POR: variants seen among roughly 807,000 people sequenced by gnomAD.
POR encodes the protein NADPH--cytochrome P450 reductase.
In POR, 56 loss-of-function variants were observed where a neutral mutation model predicts 84.0. The ratio of observed to expected loss-of-function variants is 0.67; its 90% CI spans 0.54 to 0.83. POR has a LOEUF of 0.83. Ranked by LOEUF, POR falls within the 40% of genes least tolerant of loss-of-function variation. The pLI is 0.00. For missense variants in POR, 938 were observed against 944.3 expected, an observed-to-expected ratio of 0.99 and a Z score of 0.09; for synonymous variants, 414 against 400.5, an observed-to-expected ratio of 1.03 and a Z score of -0.40.
intron 1 of POR, among the ~76,000 whole-genome samples, chr7:75,932,742 G>A (rs537745457): frequency 2.0e-5 from 3 of 152,126 alleles, no homozygotes; most frequent in South Asian, 2.1e-4. Flanking sequence ...AAACATGGGC[G>A]GGCACGGTGG....
intron 1 of POR, among the ~76,000 whole-genome samples, chr7:75,945,567 G>T (rs540080714): frequency 6.6e-6 from 1 of 152,070 alleles, no homozygotes; most frequent in Non-Finnish European, 1.5e-5. Flanking sequence ...TGTGGGTTGC[G>T]CTGTCAGGCA....
intron 3 of POR, among the ~76,000 whole-genome samples, chr7:75,973,929 C>T (rs1185907875): frequency 6.6e-6 from 1 of 151,896 alleles, no homozygotes. Context: ...CCATCTGCCT[C>T]GGTCTCCCAA....
chr7:75,931,149 A>G (rs1333428626), intron 1 of POR, among the ~76,000 whole-genome samples: 1 of 152,050 alleles, frequency 6.6e-6, no homozygotes, highest in African/African-American at 2.4e-5. Flanking sequence ...ACAGCCCCCA[A>G]AAGGAAACAA....
chr7:75,957,457 C>T (rs782522148), intron 2 of POR, among the ~76,000 whole-genome samples: 15 of 152,256 alleles, frequency 9.9e-5, no homozygotes, highest in Non-Finnish European at 1.9e-4. Context: ...GACCCAGCTC[C>T]TGAACTGGCC....
chr7:75,984,556 T>A lies in POR; in HGVS notation c.1067-221T>A, dbSNP rs41301421. Among the ~76,000 whole-genome samples the A allele has an allele frequency of 7.9e-3, 1,201 of 152,162 alleles. 14 individuals are homozygous for A. The highest frequency in any genetic ancestry group is 0.027 in the African/African-American group (1,128 of 41,520). On this transcript the variant is annotated intron_variant, in intron 10 of 15. Transcript: ENST00000461988. ...TGCAGGGGCTCCCCCGCACCTCCCC[T>A]AGCAGGGTCCTGCCTCTGATGAGGA... is the stretch of plus-strand genomic sequence containing the variant.
At chr7:75,930,208 C>T (rs1196106956) in intron 1 of POR, among the ~76,000 whole-genome samples, 1 of 152,192 alleles carries the variant, frequency 6.6e-6, no homozygotes, top group Non-Finnish European at 1.5e-5. Flanking sequence ...TTGGCTCCTC[C>T]TTAGTGAGCC....
rs1789070608 is a variant in POR at position 75,981,896 on chromosome 7, G to A, written c.731+290G>A. Reference sequence around the variant, plus strand: ...CATTTCCTTAAAATCTGCCTCCACAGACTTGGCCAAAAACATAACGTTCCT... The same window carrying A: ...CATTTCCTTAAAATCTGCCTCCACAAACTTGGCCAAAAACATAACGTTCCT... On this transcript the variant is annotated intron_variant, in intron 7 of 15. Transcript: ENST00000461988. 2.1e-5 allele frequency: 12 copies of A among 572,882 alleles called. No individual in the cohort carries two copies. In the South Asian group the frequency reaches 2.5e-4, roughly 12 times the overall value. 35.5% of individuals were successfully genotyped at this position (572,882 alleles called of 1,614,324 possible).
At chr7:75,923,936 G>A (rs1224179326) in intron 1 of POR, among the ~76,000 whole-genome samples, 2 of 151,786 alleles carry the variant, frequency 1.3e-5, no homozygotes, top group Non-Finnish European at 2.9e-5. Flanking sequence ...CGTTCATGGC[G>A]GCACCTCTCA....
rs541542103 is a variant in POR at position 75,922,312 on chromosome 7, ATCTGTAGTTTTT to A, written c.-5+7135_-5+7146del. Reference sequence around the variant, plus strand: ...AGCTCAGATGTCAAAATTGGGTCTGATCTGTAGTTTTTTTTTTTTTTTTTTTTGAGACAGAGC... The same window carrying A: ...AGCTCAGATGTCAAAATTGGGTCTGATTTTTTTTTTTTTTTGAGACAGAGC... On this transcript the variant is annotated intron_variant, in intron 1 of 15. Coordinates refer to ENST00000461988, the MANE Select transcript of POR (RefSeq NM_000941.3). Among the ~76,000 whole-genome samples the A allele has an allele frequency of 2.9e-3, 424 of 144,356 alleles. 1 individual carries two copies. Among genetic ancestry groups the A allele is most frequent in the African/African-American group, 8.9e-3 (345 of 38,576 alleles). 94.7% of individuals were successfully genotyped at this position (144,356 alleles called of 152,430 possible).
intron 2 of POR, among the ~76,000 whole-genome samples, chr7:75,966,280 C>T (rs1297433626): frequency 6.6e-6 from 1 of 152,166 alleles, no homozygotes; most frequent in African/African-American, 2.4e-5. Flanking sequence ...GCCCTCCCCA[C>T]GTGTTCATCA....
rs575266451 is a variant in POR at position 75,986,022 on chromosome 7, C to G, written c.1769C>G (p.Ala590Gly). ...CTGGCGCAGTTCCACAGGGACGGTG[C>G]GCTCACCCAGCTCAACGTGGCCTTC... Residue 590 changes from alanine to glycine, a missense_variant, in exon 14 of 16, where the codon GCG (alanine) becomes GGG (glycine). Transcript: ENST00000461988. 1.3e-6 allele frequency: 2 copies of G among 1,563,326 alleles called. No homozygotes were observed. The highest frequency in any genetic ancestry group is 1.4e-5 in the African/African-American group (1 of 73,726).
Position 75,924,873 on chromosome 7 carries a change from G to A in POR, c.-5+9694G>A, listed in dbSNP as rs571369436. Among the ~76,000 whole-genome samples the A allele has an allele frequency of 5.3e-5, 8 of 152,290 alleles. No homozygotes were observed. In the South Asian group the frequency reaches 1.7e-3, roughly 32 times the overall value. ...TGTGAGCATGGTCATCCCGGAGACG[G>A]ACTGTGATAAATCGTGTGCCCAGGA... On this transcript the variant is annotated intron_variant, in intron 1 of 15. Transcript: ENST00000461988.
At position 75,985,100 on chromosome 7, in the gene POR, C is replaced by G; in HGVS notation, c.1291C>G (p.Leu431Val). 1.2e-6 allele frequency: 2 copies of G among 1,600,128 alleles called. No homozygotes were observed. Among genetic ancestry groups the G allele is most frequent in the South Asian group, 1.1e-5 (1 of 91,066 alleles). Residue 431 changes from leucine to valine, a missense_variant, in exon 12 of 16, where the codon CTG becomes GTG. Transcript: ENST00000461988. ...GGTGGTGGAGGCCCGGAGGCACATC[C>G]TGGCCATCCTGCAGGACTGCCCGTC... is the stretch of plus-strand genomic sequence containing the variant.
intron 1 of POR, among the ~76,000 whole-genome samples, chr7:75,924,725 T>C (rs1807036009): frequency 6.6e-6 from 1 of 151,974 alleles, no homozygotes; most frequent in Admixed American, 6.6e-5. Flanking sequence ...CAGTAATAAA[T>C]GAAAAATAGA....
chr7:75,935,619 T>C (rs868928825), intron 1 of POR, among the ~76,000 whole-genome samples: 13 of 131,290 alleles, frequency 9.9e-5, no homozygotes, highest in Admixed American at 7.0e-4. Context: ...TGCTCGGGGC[T>C]TGTGTGTGTG....
At position 75,954,086 on chromosome 7, in the gene POR, A is replaced by G; in HGVS notation, c.94A>G (p.Ile32Val). The stretch of plus-strand genomic sequence containing the variant: ...ATCTCTTTTCAGCATGACGGACATG[A>G]TTCTGTTTTCGCTCATCGTGGGTCT... The change falls in exon 2 of 16, where the codon ATT (isoleucine) becomes GTT (valine). Residue 32 changes from isoleucine to valine, a missense_variant. Transcript: ENST00000461988. 2.5e-6 allele frequency: 4 copies of G among 1,613,234 alleles called. No individual in the cohort carries two copies. In the South Asian group the frequency reaches 4.4e-5, roughly 18 times the overall value.
intron 1 of POR, 59 bp downstream of exon 1, chr7:75,915,238 G>A (rs1554547910): frequency 6.5e-6 from 1 of 153,686 alleles, no homozygotes; most frequent in Non-Finnish European, 1.5e-5. Context: ...CAAGACTCGG[G>A]GTTTGCCGGG....
At chr7:75,952,918 G>T (rs1201800132) in intron 1 of POR, among the ~76,000 whole-genome samples, 7 of 151,646 alleles carry the variant, frequency 4.6e-5, no homozygotes, top group African/African-American at 1.7e-4. Context: ...CCCAGACGGG[G>T]TGGCGGCCGG....
chr7:75,983,779 A>ACTCTGCTC lies in POR; in HGVS notation c.990_997dup (p.Leu333ProfsTer22). ...CACGTGGCTGTGTACCCAGCCAACGACTCTGCTCTCGTCAACCAGCTGGGC... is the reference window on the plus strand; with the variant it reads ...CACGTGGCTGTGTACCCAGCCAACGACTCTGCTCCTCTGCTCTCGTCAACCAGCTGGGC... On this transcript the variant is annotated frameshift_variant, in exon 10 of 16. Coordinates refer to ENST00000461988, the MANE Select transcript of POR (RefSeq NM_000941.3). LOFTEE classifies it high-confidence loss of function. 6.2e-7 allele frequency: 1 copy of ACTCTGCTC among 1,612,194 alleles called. No individual in the cohort carries two copies. Among genetic ancestry groups the ACTCTGCTC allele is most frequent in the Non-Finnish European group, 8.5e-7 (1 of 1,179,662 alleles).
Sources: gnomAD v4.1 joint callset for allele counts (sites outside exome capture counted in the v4.1 genomes callset) on GRCh38, gnomAD v4.1.1 for gene constraint, MANE v1.5 for transcripts, NCBI Gene and HGNC (gene_info 2026-07-23, HGNC 2026-07-21) for gene names.